The following OR51L1 variants were observed in gnomAD, a reference collection of about 807,000 sequenced individuals.
The protein encoded by OR51L1 is olfactory receptor family 51 subfamily L member 1.
Under a neutral mutation model 1.4 loss-of-function variants are expected in OR51L1, and 1 was observed. That is an observed-to-expected ratio of 0.72 (90% confidence interval 0.26 to 3.42). The LOEUF is 3.42. OR51L1 is among the 30% of genes most tolerant of loss of function. The pLI is 0.20. For missense variants in OR51L1, 378 were observed against 380.0 expected (o/e 0.99, Z 0.04); for synonymous variants, 156 against 144.2 (o/e 1.08, Z -0.59).
rs1847122533 is a variant in OR51L1, at chr11:5,000,775, T to G, written c.*845T>G. On this transcript the variant is annotated 3_prime_UTR_variant, in exon 3 of 3. Transcript: ENST00000641819. ...GTATGCAGGCCATGCAGAAGGCACA[T>G]AGACTTGTGGGGTCTATAAGGCTTG... The G allele has an allele frequency of 6.6e-6, 1 of 152,286 alleles. No individual in the cohort carries two copies. The highest frequency in any genetic ancestry group is 1.9e-4 in the East Asian group (1 of 5,190). 9.4% of individuals were successfully genotyped at this position (152,286 alleles called of 1,614,324 possible). A position where few individuals can be genotyped will look rare whatever the true frequency, so the allele number is the denominator to read the frequency against.
chr11:4,998,942 C>A lies in OR51L1; in HGVS notation c.-41C>A. 6.3e-7 allele frequency: 1 copy of A among 1,577,352 alleles called. No homozygotes were observed. The highest frequency in any genetic ancestry group is 8.6e-7 in the Non-Finnish European group (1 of 1,160,104). On this transcript the variant is annotated 5_prime_UTR_variant, in exon 3 of 3. Coordinates refer to ENST00000641819, the MANE Select transcript of OR51L1 (RefSeq NM_001004755.2). ...CTTTGAGGGATCAGGAAGGAAAACA[C>A]GAACCATTCCTCACTACTTGCTGAA...
chr11:5,004,809 A>C lies in OR51L1; in HGVS notation c.*4879A>C, dbSNP rs770509569. 4.6e-5 allele frequency: 7 copies of C among 152,158 alleles called. No individual in the cohort carries two copies. The highest frequency in any genetic ancestry group is 1.3e-4 in the Admixed American group (2 of 15,266). 9.4% of individuals were successfully genotyped at this position (152,158 alleles called of 1,614,324 possible). A position where few individuals can be genotyped will look rare whatever the true frequency, so the allele number is the denominator to read the frequency against. ...CTTCTGTGTAATTTTTGAAAGTTGTAAGGCTTTCCTTTTGATATTTCTAAA... is the reference window on the plus strand; with the variant it reads ...CTTCTGTGTAATTTTTGAAAGTTGTCAGGCTTTCCTTTTGATATTTCTAAA... On this transcript the variant is annotated 3_prime_UTR_variant, in exon 3 of 3. Coordinates refer to ENST00000641819, the MANE Select transcript of OR51L1 (RefSeq NM_001004755.2).
rs778071155 is a variant in OR51L1, at chr11:4,999,090, A to G, written c.108A>G (p.Ala36=). 1.9e-6 allele frequency: 3 copies of G among 1,614,082 alleles called. No individual in the cohort carries two copies. The highest frequency in any genetic ancestry group is 2.2e-5 in the South Asian group (2 of 91,076). Residue 36 remains alanine, a synonymous_variant, in exon 3 of 3, where the codon GCA becomes GCG. Coordinates refer to ENST00000641819, the MANE Select transcript of OR51L1 (RefSeq NM_001004755.2). ...HSWLSILFCL[A]YLVAFMGNVT... ...GGCTCTCCATCCTCTTCTGTCTTGC[A>G]TATTTGGTAGCATTTATGGGTAATG...
chr11:5,004,996 A>G lies in OR51L1; in HGVS notation c.*5066A>G, dbSNP rs1426044352. The G allele has an allele frequency of 6.6e-6, 1 of 152,168 alleles. No homozygotes were observed. Among genetic ancestry groups the G allele is most frequent in the Non-Finnish European group, 1.5e-5 (1 of 68,036 alleles). 9.4% of individuals were successfully genotyped at this position (152,168 alleles called of 1,614,324 possible). ...AAAGACTAAGTCCTGAAGCTGAATC[A>G]TTGCAACACTCTCTTCCACATGAAT... On this transcript the variant is annotated 3_prime_UTR_variant, in exon 3 of 3. Transcript: ENST00000641819.
chr11:4,999,313 T>C lies in OR51L1; in HGVS notation c.331T>C (p.Phe111Leu), dbSNP rs138440814. Reference protein sequence around the residue: ...AQLFFIHTFTFLESSVLLAMA... With the variant: ...AQLFFIHTFTLLESSVLLAMA... ...GCTGTTCTTCATCCACACATTCACA[T>C]TCCTGGAGTCCTCAGTGTTGCTGGC... The change falls in exon 3 of 3, where the codon TTC becomes CTC. Residue 111 changes from phenylalanine to leucine, a missense_variant. Transcript: ENST00000641819. 73 of 1,614,056 alleles carry C rather than the reference T, an allele frequency of 4.5e-5. No homozygotes were observed. In the African/African-American group the frequency reaches 9.3e-4, roughly 21 times the overall value.
Position 4,999,725 on chromosome 11 carries a change from G to A in OR51L1, c.743G>A (p.Cys248Tyr), listed in dbSNP as rs755900251. 6.2e-7 allele frequency: 1 copy of A among 1,613,938 alleles called. No individual in the cohort carries two copies. Among genetic ancestry groups the A allele is most frequent in the East Asian group, 2.2e-5 (1 of 44,872 alleles). ...CTCAACACATGTGTATCCCATATCTGTGTGGTGCTTATCTTCTTTGTGCCA... is the reference window on the plus strand; with the variant it reads ...CTCAACACATGTGTATCCCATATCTATGTGGTGCTTATCTTCTTTGTGCCA... ...KALNTCVSHICVVLIFFVPVI... is the reference protein window; with the variant it reads ...KALNTCVSHIYVVLIFFVPVI... Residue 248 changes from cysteine to tyrosine, a missense_variant, in exon 3 of 3, where the codon TGT (cysteine) becomes TAT (tyrosine). Transcript: ENST00000641819.
rs371583016 is a variant in OR51L1, at chr11:4,999,413, G to A, written c.431G>A (p.Gly144Asp). The change falls in exon 3 of 3, where the codon GGC becomes GAC. Residue 144 changes from glycine to aspartate, a missense_variant. Coordinates refer to ENST00000641819, the MANE Select transcript of OR51L1 (RefSeq NM_001004755.2). ...YPTILTNSVI[G>D]KIGLACLLRS... is the part of the protein sequence containing the mutation. ...ACCATCCTCACCAACAGTGTAATTG[G>A]CAAAATTGGTTTGGCCTGTTTGCTA... The A allele has an allele frequency of 6.2e-7, 1 of 1,614,004 alleles. No homozygotes were observed. The highest frequency in any genetic ancestry group is 8.5e-7 in the Non-Finnish European group (1 of 1,180,034).
Position 4,999,431 on chromosome 11 carries a change from G to A in OR51L1, c.449G>A (p.Cys150Tyr). Residue 150 changes from cysteine (C) to tyrosine (Y), a missense_variant, in exon 3 of 3, where the codon TGT (cysteine) becomes TAT (tyrosine). By Grantham distance (194) the Cys-to-Tyr change is radical. Coordinates refer to ENST00000641819, the MANE Select transcript of OR51L1 (RefSeq NM_001004755.2). ...NSVIGKIGLA[C>Y]LLRSLGVVLP... ...GTAATTGGCAAAATTGGTTTGGCCT[G>A]TTTGCTACGAAGCTTGGGAGTTGTA... is the stretch of plus-strand genomic sequence containing the variant. 2 of 1,614,174 alleles carry A rather than the reference G, an allele frequency of 1.2e-6. No individual in the cohort carries two copies. The highest frequency in any genetic ancestry group is 1.1e-5 in the South Asian group (1 of 91,082).
chr11:4,996,902 T>A (rs975410867), intron 1 of OR51L1, among the ~76,000 whole-genome samples: 11 of 151,978 alleles, frequency 7.2e-5, no homozygotes, highest in African/African-American at 2.4e-4. Context: ...GGTCAAAAAA[T>A]TTTTCTGAGT....
At chr11:4,996,729 CT>C (rs1277468095) in intron 1 of OR51L1, among the ~76,000 whole-genome samples, 4 of 113,656 alleles carry the variant, frequency 3.5e-5, no homozygotes, top group African/African-American at 1.4e-4. Context: ...TCTTTTCTTT[CT>C]TTCTTTCTTT....
chr11:4,996,263 C>G (rs1378421067), intron 1 of OR51L1, among the ~76,000 whole-genome samples: 2 of 152,072 alleles, frequency 1.3e-5, no homozygotes, highest in Non-Finnish European at 1.5e-5. Flanking sequence ...CACACACACA[C>G]ACACAGGCAC....
In OR51L1 at chr11:5,000,893, C is replaced by G. The variant is rs1001014041; in HGVS notation, c.*963C>G. The G allele has an allele frequency of 6.6e-6, 1 of 152,238 alleles. No individual in the cohort carries two copies. The highest frequency in any genetic ancestry group is 2.4e-5 in the African/African-American group (1 of 41,414). 9.4% of individuals were successfully genotyped at this position (152,238 alleles called of 1,614,324 possible). A position where few individuals can be genotyped will look rare whatever the true frequency, so the allele number is the denominator to read the frequency against. On this transcript the variant is annotated 3_prime_UTR_variant, in exon 3 of 3. Transcript: ENST00000641819. The stretch of plus-strand genomic sequence containing the variant: ...GTAGGGTGCTTGGTTTGTTTTAAGA[C>G]TTGGTCTATGGAACTTCTTTTTCTT...
chr11:5,000,346 G>A lies in OR51L1; in HGVS notation c.*416G>A, dbSNP rs187582055. On this transcript the variant is annotated 3_prime_UTR_variant, in exon 3 of 3. Transcript: ENST00000641819. Reference sequence around the variant, plus strand: ...ATCTCTTTTACTAGTACTGCTGCACGTATTTTGTTGTTCATGCTACAATGT... The same window carrying A: ...ATCTCTTTTACTAGTACTGCTGCACATATTTTGTTGTTCATGCTACAATGT... 1.9e-4 allele frequency: 30 copies of A among 159,968 alleles called. No individual in the cohort carries two copies. In the East Asian group the frequency reaches 3.7e-3, roughly 20 times the overall value. The allele number at this position is 159,968 out of a possible 1,614,324, so 9.9% of individuals were successfully genotyped here.
At chr11:4,995,939 C>T (rs1226936063) in intron 1 of OR51L1, among the ~76,000 whole-genome samples, 1 of 151,840 alleles carries the variant, frequency 6.6e-6, no homozygotes, top group Non-Finnish European at 1.5e-5. Context: ...TTAGGGGGCC[C>T]GGGTAGTGGA....
intron 1 of OR51L1, among the ~76,000 whole-genome samples, chr11:4,996,015 A>G (rs918332579): frequency 6.6e-6 from 1 of 152,118 alleles, no homozygotes; most frequent in Non-Finnish European, 1.5e-5. Context: ...AAGTCTAGAG[A>G]TCTAATATAC....
intron 1 of OR51L1, among the ~76,000 whole-genome samples, chr11:4,997,235 C>A (rs1564822356): frequency 6.6e-6 from 1 of 152,176 alleles, no homozygotes; most frequent in East Asian, 1.9e-4. Flanking sequence ...TCCTCAGATA[C>A]AGATTCTAAA....
chr11:4,997,436 T>C lies in OR51L1; in HGVS notation c.-261-46T>C, dbSNP rs1373436025. 3 of 152,122 alleles carry C rather than the reference T, an allele frequency of 2.0e-5. No homozygotes were observed. In the East Asian group the frequency reaches 5.8e-4, roughly 29 times the overall value. The allele number at this position is 152,122 out of a possible 1,614,324, so 9.4% of individuals were successfully genotyped here. A position where few individuals can be genotyped will look rare whatever the true frequency, so the allele number is the denominator to read the frequency against. On this transcript the variant is annotated intron_variant, in intron 1 of 2. Transcript: ENST00000641819. Reference sequence around the variant, plus strand: ...GAGTTTGAGACCACATTTGGAAATATTTTTACTCTAGGATGAGGCTAAGTC... The same window carrying C: ...GAGTTTGAGACCACATTTGGAAATACTTTTACTCTAGGATGAGGCTAAGTC...
chr11:5,004,218 A>C lies in OR51L1; in HGVS notation c.*4288A>C, dbSNP rs1847156360. 6.6e-6 allele frequency: 1 copy of C among 152,220 alleles called. No individual in the cohort carries two copies. The highest frequency in any genetic ancestry group is 2.4e-5 in the African/African-American group (1 of 41,464). The allele number at this position is 152,220 out of a possible 1,614,324, so 9.4% of individuals were successfully genotyped here. On this transcript the variant is annotated 3_prime_UTR_variant, in exon 3 of 3. Transcript: ENST00000641819. Reference sequence around the variant, plus strand: ...ATGCCAGAAAAGGTCATTACATTGCATGTGTTTAGAAAGACACTTCTGTGG... The same window carrying C: ...ATGCCAGAAAAGGTCATTACATTGCCTGTGTTTAGAAAGACACTTCTGTGG...
rs1847144663 is a variant in OR51L1, at chr11:5,002,943, C to T, written c.*3013C>T. ...TTAGGGGTGGCTAATATCCAAGTCT[C>T]ATGACATCAAATATATTACTGGTGG... On this transcript the variant is annotated 3_prime_UTR_variant, in exon 3 of 3. Transcript: ENST00000641819. The T allele has an allele frequency of 6.6e-6, 1 of 152,170 alleles. No individual in the cohort carries two copies. The highest frequency in any genetic ancestry group is 2.4e-5 in the African/African-American group (1 of 41,430). 9.4% of individuals were successfully genotyped at this position (152,170 alleles called of 1,614,324 possible).
Sources: allele counts gnomAD v4.1 joint callset (sites outside exome capture counted in the v4.1 genomes callset), GRCh38; gene constraint gnomAD v4.1.1; transcripts MANE v1.5; gene names NCBI Gene and HGNC (gene_info 2026-07-23, HGNC 2026-07-21).